Variants in SNRNP27 observed in about 807,000 individuals in gnomAD.
SNRNP27 encodes small nuclear ribonucleoprotein U4/U6.U5 subunit 27.
In SNRNP27, 22 loss-of-function variants were observed where a neutral mutation model predicts 25.1. That is an observed-to-expected ratio of 0.88 (90% CI 0.63 to 1.25). The LOEUF is 1.25. Ranked by LOEUF, SNRNP27 falls within the 50% of genes most tolerant of loss-of-function variation. The pLI, the probability that SNRNP27 is intolerant of heterozygous loss-of-function variation, is 0.00. For synonymous variants in SNRNP27, 66 were observed against 64.9 expected, an observed-to-expected ratio of 1.02 and a Z score of -0.08; for missense variants, 150 against 202.3, an observed-to-expected ratio of 0.74 and a Z score of 1.57.
chr2:69,896,267 A>T (rs569644023), intron 2 of SNRNP27, among the ~76,000 whole-genome samples, 169 bp from the exon 3 acceptor site: 6 of 152,248 alleles, frequency 3.9e-5, no homozygotes, highest in Non-Finnish European at 5.9e-5. Flanking sequence ...AGTAAACTAC[A>T]TTAAAAAATT....
chr2:69,899,652 A>G lies in SNRNP27; in HGVS notation c.348+2196A>G, dbSNP rs572319428. On this transcript the variant is annotated intron_variant, in intron 4 of 5. Coordinates refer to ENST00000244227, the MANE Select transcript of SNRNP27 (RefSeq NM_006857.3). The stretch of plus-strand genomic sequence containing the variant: ...GCCATATTGGCCAGGCTGGTCTCGA[A>G]CTCTTGGCCTGAAGGGATCCACCTG... Among the ~76,000 whole-genome samples the G allele has an allele frequency of 1.0e-3, 157 of 151,596 alleles. 2 individuals carry two copies. The highest frequency in any genetic ancestry group is 1.6e-4 in the Non-Finnish European group (11 of 67,862).
At chr2:69,900,379 A>C (rs2104121268) in intron 4 of SNRNP27, among the ~76,000 whole-genome samples, 1 of 152,322 alleles carries the variant, frequency 6.6e-6, no homozygotes, top group South Asian at 2.1e-4. Context: ...ATCATCATTT[A>C]CTTTTTTGTG....
At chr2:69,900,901 G>A (rs926266201) in intron 4 of SNRNP27, among the ~76,000 whole-genome samples, 1 of 152,132 alleles carries the variant, frequency 6.6e-6, no homozygotes, top group African/African-American at 2.4e-5. Context: ...ACTGGGCTGG[G>A]TGCAGTGGCT....
In SNRNP27 at chr2:69,894,953, C is replaced by T. The variant is rs995662012; in HGVS notation, c.35-141C>T. 2.9e-5 allele frequency: 35 copies of T among 1,192,260 alleles called. No individual in the cohort carries two copies. In the East Asian group the frequency reaches 8.5e-4, roughly 29 times the overall value. 73.9% of individuals were successfully genotyped at this position (1,192,260 alleles called of 1,614,324 possible). ...CCAGCCTCACAAAGTGCTGGGATTACAGGCGTGAGCCACCGCTCCCAGCCT... is the reference window on the plus strand; with the variant it reads ...CCAGCCTCACAAAGTGCTGGGATTATAGGCGTGAGCCACCGCTCCCAGCCT... On this transcript the variant is annotated intron_variant, in intron 1 of 5. Coordinates refer to ENST00000244227, the MANE Select transcript of SNRNP27 (RefSeq NM_006857.3).
chr2:69,893,983 A>T lies in SNRNP27; in HGVS notation c.-2A>T. On this transcript the variant is annotated 5_prime_UTR_variant, in exon 1 of 6. Coordinates refer to ENST00000244227, the MANE Select transcript of SNRNP27 (RefSeq NM_006857.3). Reference sequence around the variant, plus strand: ...AGTTGTTTCCGGGAAGCGGGACTCCAAATGGGTCGCAGTCGCAGCCGCTCT... The same window carrying T: ...AGTTGTTTCCGGGAAGCGGGACTCCTAATGGGTCGCAGTCGCAGCCGCTCT... 6.2e-7 allele frequency: 1 copy of T among 1,614,098 alleles called. No individual in the cohort carries two copies. The highest frequency in any genetic ancestry group is 1.7e-5 in the Admixed American group (1 of 60,028).
chr2:69,902,877 C>T (rs970789313), intron 4 of SNRNP27, among the ~76,000 whole-genome samples: 2 of 151,442 alleles, frequency 1.3e-5, no homozygotes, highest in Admixed American at 6.6e-5. Context: ...CCTCGGCCCC[C>T]GCTTCTCCCC....
At chr2:69,898,725 T>C (rs1676643638) in intron 4 of SNRNP27, among the ~76,000 whole-genome samples, 2 of 152,194 alleles carry the variant, frequency 1.3e-5, no homozygotes, top group African/African-American at 4.8e-5. Context: ...CATGACTGTT[T>C]TGAGGTGAGA....
intron 3 of SNRNP27, 149 bp downstream of exon 3, chr2:69,896,697 A>C: frequency 1.3e-6 from 1 of 745,150 alleles, no homozygotes; most frequent in South Asian, 2.1e-5. Flanking sequence ...TTTGAGATAG[A>C]GTTTCATTCT....
chr2:69,902,938 C>CTTTTTTTTTTTTT (rs761833954), intron 4 of SNRNP27, among the ~76,000 whole-genome samples: 10 of 92,410 alleles, frequency 1.1e-4, no homozygotes, highest in Non-Finnish European at 1.7e-4. Flanking sequence ...TCTTCTTCTT[C>CTTTTTTTTTTTTT]TTTTTTTTTT....
chr2:69,897,611 G>A, intron 4 of SNRNP27, 155 bp downstream of exon 4: 1 of 617,938 alleles, frequency 1.6e-6, no homozygotes, highest in South Asian at 2.2e-5. Flanking sequence ...ACAGTGAACT[G>A]CCATTGGAAT....
At chr2:69,904,188 GTT>G (rs35836496) in intron 5 of SNRNP27, 64 bp from the exon 6 acceptor site, 55 of 924,876 alleles carry the variant, frequency 5.9e-5, no homozygotes, top group South Asian at 7.1e-5. Context: ...TCTGATGCAT[GTT>G]TTTTTTTTTA....
In SNRNP27 at chr2:69,899,310, T is replaced by C. The variant is rs1573389604; in HGVS notation, c.348+1854T>C. 1.3e-5 allele frequency among the ~76,000 whole-genome samples: 2 copies of C among 152,378 alleles called. 1 individual carries two copies. The highest frequency in any genetic ancestry group is 2.9e-5 in the Non-Finnish European group (2 of 68,042). ...TCAGCTCATTTGTGTTTTTAAGTAA[T>C]GTGTGTCTTGTGATGTTTCATCATT... On this transcript the variant is annotated intron_variant, in intron 4 of 5. Transcript: ENST00000244227.
In SNRNP27 at chr2:69,902,491, T is replaced by C. The variant is rs539080788; in HGVS notation, c.349-690T>C. On this transcript the variant is annotated intron_variant, in intron 4 of 5. Coordinates refer to ENST00000244227, the MANE Select transcript of SNRNP27 (RefSeq NM_006857.3). ...TTCTGCTGCTGCTGTTTCTGTTTCC[T>C]CTGCTGCTGCTGCTGCTTGTGCTGC... Among the ~76,000 whole-genome samples, 35 of 151,938 alleles carry C rather than the reference T, an allele frequency of 2.3e-4. No individual in the cohort carries two copies. The East Asian group carries it at 5.6e-3, about 24-fold the overall frequency.
chr2:69,894,983 T>G, intron 1 of SNRNP27, 111 bp from the exon 2 acceptor site: 1 of 1,464,196 alleles, frequency 6.8e-7, no homozygotes. Flanking sequence ...CAGCCTCTTT[T>G]TACCTTTTTA....
intron 4 of SNRNP27, among the ~76,000 whole-genome samples, chr2:69,899,946 T>G (rs965713962): frequency 6.6e-6 from 1 of 151,966 alleles, no homozygotes; most frequent in Non-Finnish European, 1.5e-5. Flanking sequence ...AGATTGGTCT[T>G]GAACTCATGG....
At chr2:69,903,288 T>G in intron 5 of SNRNP27, 43 bp downstream of exon 5, 1 of 1,379,712 alleles carries the variant, frequency 7.2e-7, no homozygotes, top group Middle Eastern at 1.8e-4. Context: ...AATAAATCAG[T>G]TTTTTACTTC....
chr2:69,899,764 T>C (rs1362290754), intron 4 of SNRNP27, among the ~76,000 whole-genome samples: 2 of 152,148 alleles, frequency 1.3e-5, no homozygotes, highest in Non-Finnish European at 2.9e-5. Flanking sequence ...GGGTCTTGTT[T>C]TGCCACCCAT....
chr2:69,897,218 A>G (rs1676619662), intron 3 of SNRNP27, among the ~76,000 whole-genome samples, 159 bp from the exon 4 acceptor site: 1 of 152,122 alleles, frequency 6.6e-6, no homozygotes, highest in African/African-American at 2.4e-5. Context: ...TTCTGTCCAA[A>G]TGTAAGAGGA....
intron 4 of SNRNP27, among the ~76,000 whole-genome samples, chr2:69,898,727 G>A (rs1185551832): frequency 6.6e-6 from 1 of 152,176 alleles, no homozygotes; most frequent in Non-Finnish European, 1.5e-5. Flanking sequence ...TGACTGTTTT[G>A]AGGTGAGAAA....
Sources: gnomAD v4.1 joint callset for allele counts (sites outside exome capture counted in the v4.1 genomes callset) on GRCh38, gnomAD v4.1.1 for gene constraint, MANE v1.5 for transcripts, NCBI Gene and HGNC (gene_info 2026-07-23, HGNC 2026-07-21) for gene names.